The following PTPRN2 variants were observed in gnomAD, a reference collection of about 807,000 sequenced individuals.
PTPRN2 encodes the protein receptor-type tyrosine-protein phosphatase N2.
Under a neutral mutation model 118.8 loss-of-function variants are expected in PTPRN2, and 74 were observed. The observed-to-expected ratio is 0.62, with a 90% CI of 0.52 to 0.76. The LOEUF (loss-of-function observed/expected upper bound fraction) is 0.76. Among genes scored for constraint, PTPRN2 ranks in the 30% least tolerant of loss-of-function variants. The pLI, the probability that PTPRN2 is intolerant of heterozygous loss-of-function variation, is 0.00. For missense variants in PTPRN2, 1,481 were observed against 1,394.4 expected, an observed-to-expected ratio of 1.06 and a Z score of -0.99; for synonymous variants, 641 against 608.0, an observed-to-expected ratio of 1.05 and a Z score of -0.80.
At chr7:158,504,265 G>A (rs1822580959) in intron 1 of PTPRN2, among the ~76,000 whole-genome samples, 1 of 152,090 alleles carries the variant, frequency 6.6e-6, no homozygotes, top group Non-Finnish European at 1.5e-5. Flanking sequence ...GTAAGTGTGT[G>A]CCATGGTGGT....
intron 6 of PTPRN2, among the ~76,000 whole-genome samples, chr7:158,161,151 T>G (rs1425303037): frequency 2.0e-5 from 3 of 152,208 alleles, no homozygotes; most frequent in African/African-American, 7.2e-5. Flanking sequence ...GTTCTCCAAC[T>G]TGATCTATGG....
chr7:157,987,173 A>T lies in PTPRN2; in HGVS notation c.1724-88436T>A, dbSNP rs1803866930. On this transcript the variant is annotated intron_variant, in intron 11 of 22. Coordinates refer to ENST00000389418, the MANE Select transcript of PTPRN2 (RefSeq NM_002847.5). The surrounding 1 kb of genome is among the most constrained non-coding windows in gnomAD (Gnocchi z 4.3). ...CCCACGCTTGGTCGGCAACACAGAG[A>T]TTCCATTTCTTCCTGGGATTAGGAA... is the stretch of plus-strand genomic sequence containing the variant. 6.6e-6 allele frequency among the ~76,000 whole-genome samples: 1 copy of T among 152,102 alleles called. No homozygotes were observed. The highest frequency in any genetic ancestry group is 2.1e-4 in the South Asian group (1 of 4,818).
chr7:157,871,791 A>G (rs1291202450), intron 12 of PTPRN2, among the ~76,000 whole-genome samples: 1 of 151,180 alleles, frequency 6.6e-6, no homozygotes, highest in Non-Finnish European at 1.5e-5. Flanking sequence ...ACCCCTAAAT[A>G]CCTACACACC....
At chr7:158,220,500 C>A (rs1046269591) in intron 3 of PTPRN2, among the ~76,000 whole-genome samples, 2 of 151,926 alleles carry the variant, frequency 1.3e-5, no homozygotes, top group African/African-American at 2.4e-5. Context: ...GTATAAAAAC[C>A]AGTAGCATAC....
intron 6 of PTPRN2, among the ~76,000 whole-genome samples, chr7:158,149,524 C>T (rs1318394431): frequency 6.6e-6 from 1 of 152,044 alleles, no homozygotes; most frequent in African/African-American, 2.4e-5. Context: ...ATAAGCCCGG[C>T]TGGGCGCAGT....
At chr7:158,096,006 A>G (rs1183577353) in intron 10 of PTPRN2, among the ~76,000 whole-genome samples, 1 of 152,244 alleles carries the variant, frequency 6.6e-6, no homozygotes, top group Admixed American at 6.5e-5. Flanking sequence ...TTCACACTTG[A>G]AGTGCATTGA....
At chr7:158,095,255 C>T (rs151017493) in intron 10 of PTPRN2, among the ~76,000 whole-genome samples, 4 of 150,546 alleles carry the variant, frequency 2.7e-5, no homozygotes, top group South Asian at 2.1e-4. Context: ...ATAAGAATAA[C>T]GCCAAGCAGG....
At chr7:158,501,799 C>T (rs187493573) in intron 1 of PTPRN2, among the ~76,000 whole-genome samples, 25 of 152,268 alleles carry the variant, frequency 1.6e-4, no homozygotes, top group Admixed American at 1.4e-3. Context: ...TATGTTGACC[C>T]GCCTGGAGCT....
rs1295156782 is a variant in PTPRN2, at chr7:157,649,361, G to A, written c.2196+6996C>T. ...ACTCAGTGGGTCAGACCCATCCAGC[G>A]TGCACTGAACTCGGTGGGTCGGACC... is the stretch of plus-strand genomic sequence containing the variant. On this transcript the variant is annotated intron_variant, in intron 14 of 22. Transcript: ENST00000389418. Among the ~76,000 whole-genome samples the A allele has an allele frequency of 2.0e-4, 21 of 103,464 alleles. 1 individual carries two copies. Among genetic ancestry groups the A allele is most frequent in the African/African-American group, 6.8e-4 (21 of 30,992 alleles). The allele number at this position is 103,464 out of a possible 152,430, so 67.9% of individuals were successfully genotyped here.
Position 158,201,781 on chromosome 7 carries a change from T to C in PTPRN2, c.380+3390A>G, listed in dbSNP as rs561433638. 4.6e-5 allele frequency among the ~76,000 whole-genome samples: 7 copies of C among 152,310 alleles called. No individual in the cohort carries two copies. The South Asian group carries it at 1.0e-3, about 23-fold the overall frequency. ...CAACGAGTTGTCAACCAGAAAATGTTTGAATTCACCTATAGCCTGGAAGCC... is the reference window on the plus strand; with the variant it reads ...CAACGAGTTGTCAACCAGAAAATGTCTGAATTCACCTATAGCCTGGAAGCC... On this transcript the variant is annotated intron_variant, in intron 4 of 22. Coordinates refer to ENST00000389418, the MANE Select transcript of PTPRN2 (RefSeq NM_002847.5).
intron 11 of PTPRN2, among the ~76,000 whole-genome samples, chr7:157,962,708 G>C (rs1181065252): frequency 6.6e-6 from 1 of 152,302 alleles, no homozygotes; most frequent in South Asian, 2.1e-4. Context: ...ACAAGCATAG[G>C]AAGGGTTCGT....
chr7:158,328,847 G>A (rs1166957123), intron 2 of PTPRN2, among the ~76,000 whole-genome samples: 1 of 146,096 alleles, frequency 6.8e-6, no homozygotes, highest in Non-Finnish European at 1.5e-5. Flanking sequence ...GTAAATCCAG[G>A]AGATCCCAGC....
At chr7:158,267,155 G>A (rs762304319) in intron 3 of PTPRN2, among the ~76,000 whole-genome samples, 5 of 152,222 alleles carry the variant, frequency 3.3e-5, no homozygotes, top group African/African-American at 4.8e-5. Flanking sequence ...GACACTTTGC[G>A]TGGAATTTTA....
chr7:157,991,648 T>G lies in PTPRN2; in HGVS notation c.1723+89650A>C, dbSNP rs569367553. ...GACTTGCAGCCTGCCTGGGACCCAG[T>G]GAGGATCTGTGGAGATGGGCTACAG... On this transcript the variant is annotated intron_variant, in intron 11 of 22. Coordinates refer to ENST00000389418, the MANE Select transcript of PTPRN2 (RefSeq NM_002847.5). Among the ~76,000 whole-genome samples the G allele has an allele frequency of 2.8e-4, 42 of 152,262 alleles. No homozygotes were observed. In the East Asian group the frequency reaches 7.7e-3, roughly 28 times the overall value.
chr7:157,910,612 G>A (rs1249427130), intron 11 of PTPRN2, among the ~76,000 whole-genome samples: 1 of 152,252 alleles, frequency 6.6e-6, no homozygotes, highest in Admixed American at 6.5e-5. Flanking sequence ...TTCCCACATG[G>A]TGTGGTGTAA....
chr7:157,958,223 A>G (rs4716839), intron 11 of PTPRN2, among the ~76,000 whole-genome samples: 125,830 of 152,132 alleles, frequency 0.83, 52,626 homozygotes, highest in East Asian at 0.89. Flanking sequence ...AACGCTCAAC[A>G]AACTAGGAGT....
rs1416547221 is a variant in PTPRN2, at chr7:157,787,175, G to A, written c.1789-104238C>T. 6.7e-6 allele frequency among the ~76,000 whole-genome samples: 1 copy of A among 149,854 alleles called. No homozygotes were observed. The highest frequency in any genetic ancestry group is 2.4e-5 in the African/African-American group (1 of 41,156). On this transcript the variant is annotated intron_variant, in intron 12 of 22. Transcript: ENST00000389418. The surrounding 1 kb of genome is among the most constrained non-coding windows in gnomAD (Gnocchi z 5.3). ...CGGACGCGGGTGCGGCGGGGGACGC[G>A]GGGGTGGCTGCCCGGGACTGGCTCT...
At chr7:157,723,530 C>T (rs183262946) in intron 12 of PTPRN2, among the ~76,000 whole-genome samples, 3 of 152,348 alleles carry the variant, frequency 2.0e-5, no homozygotes, top group Admixed American at 1.3e-4. Flanking sequence ...AGCACTTTCT[C>T]CCTCCTCTCC....
rs1219053729 is a variant in PTPRN2, at chr7:157,808,394, C to G, written c.1788+90279G>C. ...CGGTATTTATAGCCAGTCCCCATGG[C>G]TCACAGTACTGCCTGGGCTCCACCT... On this transcript the variant is annotated intron_variant, in intron 12 of 22. Coordinates refer to ENST00000389418, the MANE Select transcript of PTPRN2 (RefSeq NM_002847.5). The surrounding 1 kb of genome is among the most constrained non-coding windows in gnomAD (Gnocchi z 5.0). 6.6e-6 allele frequency among the ~76,000 whole-genome samples: 1 copy of G among 152,158 alleles called. No individual in the cohort carries two copies. Among genetic ancestry groups the G allele is most frequent in the Non-Finnish European group, 1.5e-5 (1 of 68,032 alleles).
Sources: allele counts gnomAD v4.1 joint callset (sites outside exome capture counted in the v4.1 genomes callset), GRCh38; gene constraint gnomAD v4.1.1; non-coding constraint Gnocchi (gnomAD v3.1); transcripts MANE v1.5; gene names NCBI Gene and HGNC (gene_info 2026-07-23, HGNC 2026-07-21).